FBXW7: variants seen among roughly 807,000 people sequenced by gnomAD.
FBXW7 encodes F-box and WD repeat domain containing 7.
A neutral mutation model predicts 86.3 loss-of-function variants in FBXW7; 11 were observed. The observed-to-expected ratio is 0.13, with a 90% CI of 0.08 to 0.21. FBXW7 has a LOEUF of 0.21. Ranked by LOEUF, FBXW7 falls within the 10% of genes least tolerant of loss-of-function variation. The pLI is 1.00. For synonymous variants in FBXW7, 313 were observed against 297.9 expected (o/e 1.05, Z -0.52); for missense variants, 488 against 847.4 (o/e 0.58, Z 5.27).
At chr4:152,467,499 C>T (rs1442280769) in intron 2 of FBXW7, among the ~76,000 whole-genome samples, 1 of 152,060 alleles carries the variant, frequency 6.6e-6, no homozygotes, top group Non-Finnish European at 1.5e-5. Flanking sequence ...CTCCCTTCTT[C>T]AATCCAAAAA....
At chr4:152,454,530 T>C (rs963159778) in intron 2 of FBXW7, among the ~76,000 whole-genome samples, 1 of 152,130 alleles carries the variant, frequency 6.6e-6, no homozygotes, top group African/African-American at 2.4e-5. Context: ...TTAAGTCTAT[T>C]GGTAATTTTC....
intron 2 of FBXW7, among the ~76,000 whole-genome samples, chr4:152,420,170 T>C (rs184259565): frequency 5.0e-4 from 76 of 152,286 alleles, no homozygotes; most frequent in African/African-American, 1.8e-3. Flanking sequence ...TTCAACAATT[T>C]TCAAAGCCTC....
At chr4:152,474,402 G>A (rs1028337483) in intron 2 of FBXW7, among the ~76,000 whole-genome samples, 13 of 152,184 alleles carry the variant, frequency 8.5e-5, no homozygotes, top group Admixed American at 5.9e-4. Flanking sequence ...TAATTATGGC[G>A]GTAGAAAAGT....
chr4:152,389,919 C>T (rs1343706148), intron 4 of FBXW7, among the ~76,000 whole-genome samples: 1 of 151,854 alleles, frequency 6.6e-6, no homozygotes, highest in Non-Finnish European at 1.5e-5. Flanking sequence ...TTTGTGTCTG[C>T]CTTCTTTTAC....
rs547745176 is a variant in FBXW7 at position 152,488,489 on chromosome 4, C to T, written c.-120+46452G>A. On this transcript the variant is annotated intron_variant, in intron 2 of 13. Transcript: ENST00000281708. The stretch of plus-strand genomic sequence containing the variant: ...TCGTTCATTAATGCTGCTAATAAAG[C>T]AACCTTTTGTTAGTCTATGAAACAT... Among the ~76,000 whole-genome samples the T allele has an allele frequency of 2.6e-5, 4 of 152,172 alleles. No homozygotes were observed. The East Asian group carries it at 7.7e-4, about 29-fold the overall frequency.
At chr4:152,463,513 A>G (rs1743146209) in intron 2 of FBXW7, among the ~76,000 whole-genome samples, 1 of 152,104 alleles carries the variant, frequency 6.6e-6, no homozygotes, top group Non-Finnish European at 1.5e-5. Context: ...AAGTGGTCAG[A>G]GATATTACAG....
chr4:152,383,865 T>C (rs1209726062), intron 4 of FBXW7, among the ~76,000 whole-genome samples: 3 of 152,088 alleles, frequency 2.0e-5, no homozygotes, highest in East Asian at 1.9e-4. Flanking sequence ...CTGGCAGCAA[T>C]GCTACACAAA....
At chr4:152,518,471 T>C (rs1560992989) in intron 2 of FBXW7, among the ~76,000 whole-genome samples, 1 of 152,112 alleles carries the variant, frequency 6.6e-6, no homozygotes, top group Admixed American at 6.6e-5. Context: ...TAATTTATTT[T>C]ATTTTTGTAG....
In FBXW7 at chr4:152,387,708, C is replaced by CTTT. The variant is rs34073737; in HGVS notation, c.501+23592_501+23594dup. Among the ~76,000 whole-genome samples, 64 of 112,774 alleles carry CTTT rather than the reference C, an allele frequency of 5.7e-4. 2 individuals are homozygous for CTTT. The highest frequency in any genetic ancestry group is 1.3e-3 in the East Asian group (5 of 3,778). The allele number at this position is 112,774 out of a possible 152,430, so 74.0% of individuals were successfully genotyped here. ...ATCAAAGAAAAAAAACATGGCATAC[C>CTTT]TTTTTTTTTTTTTTTTTTGAGACTG... is the stretch of plus-strand genomic sequence containing the variant. On this transcript the variant is annotated intron_variant, in intron 4 of 13. Transcript: ENST00000281708.
intron 4 of FBXW7, among the ~76,000 whole-genome samples, chr4:152,364,054 G>A (rs894414182): frequency 6.6e-6 from 1 of 152,104 alleles, no homozygotes; most frequent in African/African-American, 2.4e-5. Context: ...AAGAAGAGAC[G>A]GACTATGCAG....
At chr4:152,338,688 T>C (rs557806285) in intron 6 of FBXW7, among the ~76,000 whole-genome samples, 35 of 152,198 alleles carry the variant, frequency 2.3e-4, no homozygotes, top group Middle Eastern at 6.8e-3. Flanking sequence ...GAAGAACACC[T>C]GCACAGAAAA....
At chr4:152,451,049 T>C (rs1200991429) in intron 2 of FBXW7, among the ~76,000 whole-genome samples, 3 of 152,198 alleles carry the variant, frequency 2.0e-5, no homozygotes, top group African/African-American at 4.8e-5. Context: ...TGTTGATTCT[T>C]AGGTTGCAGA....
chr4:152,352,642 A>G (rs2126663253), intron 4 of FBXW7: 1 of 1,613,926 alleles, frequency 6.2e-7, no homozygotes, highest in South Asian at 1.1e-5. Flanking sequence ...GCACGTCAGA[A>G]AAGGAAGATT....
At chr4:152,389,097 C>T (rs753771198) in intron 4 of FBXW7, among the ~76,000 whole-genome samples, 20 of 151,972 alleles carry the variant, frequency 1.3e-4, no homozygotes, top group Admixed American at 4.6e-4. Context: ...CATCTCACAC[C>T]ATTCAGAATG....
At chr4:152,356,004 A>G (rs1402601093) in intron 4 of FBXW7, among the ~76,000 whole-genome samples, 2 of 152,196 alleles carry the variant, frequency 1.3e-5, no homozygotes, top group African/African-American at 4.8e-5. Context: ...AATGGTCTTA[A>G]GCGAATCATG....
intron 2 of FBXW7, among the ~76,000 whole-genome samples, chr4:152,447,006 T>C (rs761431694): frequency 2.8e-4 from 43 of 152,214 alleles, no homozygotes; most frequent in Non-Finnish European, 7.4e-5. Flanking sequence ...TACTAGTGTT[T>C]AAATTATTTT....
chr4:152,426,228 C>A (rs763438096), intron 2 of FBXW7, among the ~76,000 whole-genome samples: 4 of 151,832 alleles, frequency 2.6e-5, no homozygotes, highest in Non-Finnish European at 5.9e-5. Flanking sequence ...ACTAAATAAG[C>A]TAGACAGGTT....
chr4:152,385,001 A>G (rs1735411115), intron 4 of FBXW7, among the ~76,000 whole-genome samples: 1 of 152,016 alleles, frequency 6.6e-6, no homozygotes, highest in African/African-American at 2.4e-5. Context: ...AACATATGTC[A>G]TATTTTGTCC....
At chr4:152,477,705 A>G (rs1176677368) in intron 2 of FBXW7, among the ~76,000 whole-genome samples, 1 of 152,116 alleles carries the variant, frequency 6.6e-6, no homozygotes, top group Admixed American at 6.6e-5. Context: ...GTGCTGAGTT[A>G]CTTGTCCTTT....
Sources: gnomAD v4.1 joint callset for allele counts (sites outside exome capture counted in the v4.1 genomes callset) on GRCh38, gnomAD v4.1.1 for gene constraint, MANE v1.5 for transcripts, NCBI Gene and HGNC (gene_info 2026-07-23, HGNC 2026-07-21) for gene names.